NDFIP1: variants seen among roughly 807,000 people sequenced by gnomAD.
NDFIP1 encodes the protein NEDD4 family-interacting protein 1.
A neutral mutation model predicts 28.8 loss-of-function variants in NDFIP1; 7 were observed. That is an observed-to-expected ratio of 0.24 (90% CI 0.14 to 0.46). The LOEUF (loss-of-function observed/expected upper bound fraction) is 0.46, where lower values mean the gene tolerates loss of function less well. Ranked by LOEUF, NDFIP1 falls within the 20% of genes least tolerant of loss-of-function variation. NDFIP1 has a pLI of 0.99. For missense variants in NDFIP1, 194 were observed against 269.1 expected (o/e 0.72, Z 1.95); for synonymous variants, 92 against 101.0 (o/e 0.91, Z 0.53).
chr5:142,134,793 G>A (rs868596302), intron 3 of NDFIP1, among the ~76,000 whole-genome samples: 10 of 152,208 alleles, frequency 6.6e-5, no homozygotes, highest in African/African-American at 2.2e-4. Flanking sequence ...GCAATATTAC[G>A]TTATCAAGTT....
intron 1 of NDFIP1, among the ~76,000 whole-genome samples, chr5:142,124,626 A>T (rs1040243295): frequency 6.6e-6 from 1 of 152,120 alleles, no homozygotes; most frequent in East Asian, 1.9e-4. Flanking sequence ...TTCATCTGTT[A>T]TTGTATTGAC....
chr5:142,149,142 A>G (rs1314942670), intron 7 of NDFIP1, among the ~76,000 whole-genome samples: 1 of 152,200 alleles, frequency 6.6e-6, no homozygotes, highest in African/African-American at 2.4e-5. Flanking sequence ...AAAGTGACCT[A>G]GTGAGCTGTA....
intron 1 of NDFIP1, among the ~76,000 whole-genome samples, chr5:142,111,690 A>G (rs145218176): frequency 7.0e-4 from 107 of 152,356 alleles, no homozygotes; most frequent in African/African-American, 2.5e-3. Flanking sequence ...ATAAATGCAA[A>G]CACAGTTTTG....
intron 7 of NDFIP1, among the ~76,000 whole-genome samples, chr5:142,145,490 A>G (rs1278091942): frequency 6.6e-6 from 1 of 152,192 alleles, no homozygotes; most frequent in Non-Finnish European, 1.5e-5. Context: ...TGTTAATCAT[A>G]GAGTGGAACC....
intron 1 of NDFIP1, among the ~76,000 whole-genome samples, chr5:142,118,695 G>A (rs1464340948): frequency 6.6e-6 from 1 of 152,192 alleles, no homozygotes; most frequent in East Asian, 1.9e-4. Flanking sequence ...TGAGGGCCAA[G>A]TATTGACATG....
At chr5:142,109,250 C>T (rs1198669491) in intron 1 of NDFIP1, among the ~76,000 whole-genome samples, 1 of 152,176 alleles carries the variant, frequency 6.6e-6, no homozygotes, top group Non-Finnish European at 1.5e-5. Context: ...GGGACTCCGG[C>T]GGTGGAAAGT....
intron 6 of NDFIP1, chr5:142,143,633 G>A (rs1300567344): frequency 6.6e-6 from 1 of 152,156 alleles, no homozygotes; most frequent in African/African-American, 2.4e-5. Flanking sequence ...CCTCTCTGCT[G>A]ACAGTTTTAG....
chr5:142,110,865 TC>T, intron 1 of NDFIP1, among the ~76,000 whole-genome samples: 1 of 152,016 alleles, frequency 6.6e-6, no homozygotes, highest in East Asian at 1.9e-4. Context: ...ATTTTTTTTT[TC>T]TTTTAATTCA....
At chr5:142,142,424 A>G (rs1757341124) in intron 6 of NDFIP1, among the ~76,000 whole-genome samples, 1 of 152,166 alleles carries the variant, frequency 6.6e-6, no homozygotes, top group Admixed American at 6.6e-5. Context: ...TGTACCTTTA[A>G]GAGAAAGGCT....
intron 1 of NDFIP1, among the ~76,000 whole-genome samples, chr5:142,120,452 G>A (rs1443753913): frequency 6.6e-6 from 1 of 152,186 alleles, no homozygotes; most frequent in Non-Finnish European, 1.5e-5. Flanking sequence ...TGGGTCTGCT[G>A]AGTCAGTTAC....
At chr5:142,139,597 G>T (rs1344576836) in intron 5 of NDFIP1, among the ~76,000 whole-genome samples, 1 of 152,156 alleles carries the variant, frequency 6.6e-6, no homozygotes, top group Non-Finnish European at 1.5e-5. Flanking sequence ...AGCAAGGAAA[G>T]CTTCTCAGAA....
chr5:142,147,419 T>C (rs959361872), intron 7 of NDFIP1, among the ~76,000 whole-genome samples: 2 of 152,186 alleles, frequency 1.3e-5, no homozygotes, highest in Non-Finnish European at 2.9e-5. Context: ...GTAAGAAAGC[T>C]TTATTTTTTT....
intron 6 of NDFIP1, chr5:142,143,084 A>C (rs1388250250): frequency 2.6e-5 from 4 of 151,562 alleles, no homozygotes; most frequent in Non-Finnish European, 5.9e-5. Flanking sequence ...AGCTCTGTGC[A>C]GAGCTCCCAA....
rs1011169143 is a variant in NDFIP1 at position 142,135,643 on chromosome 5, C to CT, written c.283-81dup. On this transcript the variant is annotated intron_variant, in intron 3 of 7. Coordinates refer to ENST00000253814, the MANE Select transcript of NDFIP1 (RefSeq NM_030571.4). ...ATTTTGAACTGAACCAAAGCAATAA[C>CT]TTTTTTCCTTGCTACTCAAATTTAA... 3.4e-6 allele frequency: 4 copies of CT among 1,178,904 alleles called. No individual in the cohort carries two copies. In the African/African-American group the frequency reaches 6.1e-5, roughly 18 times the overall value. 73.0% of individuals were successfully genotyped at this position (1,178,904 alleles called of 1,614,324 possible). A position where few individuals can be genotyped will look rare whatever the true frequency, so the allele number is the denominator to read the frequency against.
Position 142,131,870 on chromosome 5 carries a change from C to T in NDFIP1, c.126C>T (p.Tyr42=), listed in dbSNP as rs775725667. 9.4e-6 allele frequency: 15 copies of T among 1,601,570 alleles called. No homozygotes were observed. Among genetic ancestry groups the T allele is most frequent in the Non-Finnish European group, 1.2e-5 (14 of 1,176,464 alleles). ...CTGCAGGTGATGCTCCTCCACCTTACAGCAGCATTTCTGCAGAGAGCGCAG... is the reference window on the plus strand; with the variant it reads ...CTGCAGGTGATGCTCCTCCACCTTATAGCAGCATTTCTGCAGAGAGCGCAG... ...EQAAGDAPPP[Y]SSISAESAAY... The change falls in exon 2 of 8, where the codon TAC becomes TAT. Residue 42 remains tyrosine, a synonymous_variant. Coordinates refer to ENST00000253814, the MANE Select transcript of NDFIP1 (RefSeq NM_030571.4).
intron 1 of NDFIP1, among the ~76,000 whole-genome samples, chr5:142,116,364 C>T (rs1265633032): frequency 6.9e-6 from 1 of 145,730 alleles, no homozygotes; most frequent in Non-Finnish European, 1.5e-5. Context: ...CTCTCTCTCT[C>T]TCTCTCTCTT....
At chr5:142,124,822 C>T (rs1271140071) in intron 1 of NDFIP1, among the ~76,000 whole-genome samples, 1 of 124,924 alleles carries the variant, frequency 8.0e-6, no homozygotes, top group African/African-American at 3.3e-5. Context: ...CTATGAGCAA[C>T]TTGAAGATTT....
In NDFIP1 at chr5:142,153,127, T is replaced by C; in HGVS notation, c.*1399T>C. 3 of 361,972 alleles carry C rather than the reference T, an allele frequency of 8.3e-6. No homozygotes were observed. Among genetic ancestry groups the C allele is most frequent in the Non-Finnish European group, 1.6e-5 (3 of 184,044 alleles). The allele number at this position is 361,972 out of a possible 1,614,324, so 22.4% of individuals were successfully genotyped here. ...GTTCTCATTTGTTCTTTTTCTCAGTTGAATGCACCAACTGGTTTGAGTCCT... is the reference window on the plus strand; with the variant it reads ...GTTCTCATTTGTTCTTTTTCTCAGTCGAATGCACCAACTGGTTTGAGTCCT... On this transcript the variant is annotated 3_prime_UTR_variant, in exon 8 of 8. Coordinates refer to ENST00000253814, the MANE Select transcript of NDFIP1 (RefSeq NM_030571.4).
intron 1 of NDFIP1, among the ~76,000 whole-genome samples, chr5:142,116,883 G>T (rs375894635): frequency 1.3e-5 from 2 of 151,652 alleles, no homozygotes; most frequent in African/African-American, 4.9e-5. Context: ...GCTAATTTTT[G>T]TATTTTTAGT....
Sources: gnomAD v4.1 joint callset for allele counts (sites outside exome capture counted in the v4.1 genomes callset) on GRCh38, gnomAD v4.1.1 for gene constraint, MANE v1.5 for transcripts, NCBI Gene and HGNC (gene_info 2026-07-23, HGNC 2026-07-21) for gene names.